The following SRI variants were observed in gnomAD, a reference collection of about 807,000 sequenced individuals.
The protein encoded by SRI is 22 kDa protein.
SRI carries 30 observed loss-of-function variants against 33.3 expected under a neutral mutation model. That is an observed-to-expected ratio of 0.90 (90% CI 0.67 to 1.22). The LOEUF (loss-of-function observed/expected upper bound fraction) is 1.22, where lower values mean the gene tolerates loss of function less well. Ranked by LOEUF, SRI falls within the 50% of genes most tolerant of loss-of-function variation. The pLI is 0.00. For synonymous variants in SRI, 75 were observed against 89.9 expected, an observed-to-expected ratio of 0.83 and a Z score of 0.94; for missense variants, 243 against 250.8, an observed-to-expected ratio of 0.97 and a Z score of 0.21.
At chr7:88,214,199 A>T (rs1421553308) in intron 3 of SRI, among the ~76,000 whole-genome samples, 1 of 152,206 alleles carries the variant, frequency 6.6e-6, no homozygotes, top group Non-Finnish European at 1.5e-5. Context: ...GACAAGAATG[A>T]TGGGGGCATT....
Position 88,217,183 on chromosome 7 carries a change from C to T in SRI, c.144G>A (p.Gln48=). 1 of 1,612,580 alleles carries T rather than the reference C, an allele frequency of 6.2e-7. No homozygotes were observed. The highest frequency in any genetic ancestry group is 8.5e-7 in the Non-Finnish European group (1 of 1,179,946). The change falls in exon 3 of 8, where the codon CAG becomes CAA. Residue 48 remains glutamine (Q), a synonymous_variant. Coordinates refer to ENST00000265729, the MANE Select transcript of SRI (RefSeq NM_003130.4). ...YFAAVAGQDG[Q]IDADELQRCL... is the part of the protein sequence containing the mutation. ...ATCTCTGCAATTCATCAGCATCTAT[C>T]TGCCCATCCTTTTGAAAAAAAATTA...
At chr7:88,213,930 T>G (rs1333998608) in intron 3 of SRI, among the ~76,000 whole-genome samples, 1 of 152,216 alleles carries the variant, frequency 6.6e-6, no homozygotes, top group East Asian at 1.9e-4. Context: ...CAACAGCCAC[T>G]GTTAAGTACT....
chr7:88,213,381 A>G (rs1851627506), intron 3 of SRI, among the ~76,000 whole-genome samples: 1 of 152,198 alleles, frequency 6.6e-6, no homozygotes, highest in Non-Finnish European at 1.5e-5. Flanking sequence ...TCAACCCCGT[A>G]CACTATCTTC....
rs1401209252 is a variant in SRI, at chr7:88,206,485, C to T, written c.590G>A (p.Ser197Asn). The T allele has an allele frequency of 3.1e-6, 5 of 1,613,908 alleles. No individual in the cohort carries two copies. The highest frequency in any genetic ancestry group is 4.2e-6 in the Non-Finnish European group (5 of 1,179,878). ...PYDDFIQCVM[S>N]V ...ATGCAGCTTCCTCTTGATTTAAACA[C>T]TCATGACACATTGAATGAACTGAAA... Residue 197 changes from serine (S) to asparagine (N), a missense_variant, in exon 8 of 8, where the codon AGT (serine) becomes AAT (asparagine). Physicochemically the swap from Ser to Asn is conservative, Grantham distance 46. Coordinates refer to ENST00000265729, the MANE Select transcript of SRI (RefSeq NM_003130.4).
upstream of SRI, among the ~76,000 whole-genome samples, chr7:88,223,814 ACT>A (rs1390529263): frequency 1.3e-5 from 2 of 152,088 alleles, no homozygotes; most frequent in South Asian, 2.1e-4. Flanking sequence ...CGGGCTTATG[ACT>A]CTGGCAGTTT....
chr7:88,215,152 T>C (rs1851676332), intron 3 of SRI, among the ~76,000 whole-genome samples: 2 of 152,176 alleles, frequency 1.3e-5, no homozygotes, highest in Admixed American at 1.3e-4. Context: ...CCATATAATA[T>C]CTGCATTACA....
upstream of SRI, among the ~76,000 whole-genome samples, chr7:88,221,986 A>G (rs1184245674): frequency 3.4e-5 from 5 of 146,842 alleles, no homozygotes; most frequent in Non-Finnish European, 7.5e-5. Flanking sequence ...ATGATTTCCA[A>G]TTTCATCCAT....
At chr7:88,219,584 G>A (rs1298034830) in intron 1 of SRI, 6 of 232,636 alleles carry the variant, frequency 2.6e-5, no homozygotes, top group Non-Finnish European at 4.9e-5. Context: ...TTTTTAAAGG[G>A]AGGAAGGTAT....
chr7:88,208,817 T>C, intron 6 of SRI: 1 of 477,520 alleles, frequency 2.1e-6, no homozygotes, highest in Non-Finnish European at 3.7e-6. Flanking sequence ...CTGGAGAAAA[T>C]ACCTTACCCA....
chr7:88,220,264 C>A (rs43100), upstream of SRI, among the ~76,000 whole-genome samples: 3 of 152,094 alleles, frequency 2.0e-5, no homozygotes, highest in Non-Finnish European at 4.4e-5. Flanking sequence ...GGTCCAGTGG[C>A]GGCCTACGAC....
chr7:88,221,183 C>G (rs1188472188), upstream of SRI, among the ~76,000 whole-genome samples: 2 of 152,170 alleles, frequency 1.3e-5, no homozygotes, highest in Non-Finnish European at 2.9e-5. Flanking sequence ...TGGTACTGTG[C>G]TTTTTCGCTG....
upstream of SRI, among the ~76,000 whole-genome samples, chr7:88,221,975 G>A (rs1318474800): frequency 6.7e-6 from 1 of 148,406 alleles, no homozygotes; most frequent in African/African-American, 2.5e-5. Flanking sequence ...TACTGAGAAT[G>A]ATGATTTCCA....
At chr7:88,213,735 G>A (rs1197184868) in intron 3 of SRI, among the ~76,000 whole-genome samples, 1 of 152,240 alleles carries the variant, frequency 6.6e-6, no homozygotes, top group African/African-American at 2.4e-5. Context: ...CACGCAGGAA[G>A]CTGTAGAGCC....
chr7:88,206,216 T>A lies in SRI; in HGVS notation c.*262A>T. ...TTTGCATACTTAAATTTACATAGAGTTTTAGCAAGAAAATAAGGCATGACT... is the reference window on the plus strand; with the variant it reads ...TTTGCATACTTAAATTTACATAGAGATTTAGCAAGAAAATAAGGCATGACT... On this transcript the variant is annotated 3_prime_UTR_variant, in exon 8 of 8. Transcript: ENST00000265729. 2 of 510,868 alleles carry A rather than the reference T, an allele frequency of 3.9e-6. No homozygotes were observed. Among genetic ancestry groups the A allele is most frequent in the South Asian group, 2.6e-5 (1 of 38,532 alleles). The allele number at this position is 510,868 out of a possible 1,614,324, so 31.6% of individuals were successfully genotyped here.
At chr7:88,207,594 C>T (rs1251092702) in intron 7 of SRI, 2 of 152,210 alleles carry the variant, frequency 1.3e-5, no homozygotes, top group African/African-American at 2.4e-5. Context: ...TTGTTATATA[C>T]ATCCAGCTAA....
chr7:88,206,902 C>G (rs1305157808), intron 7 of SRI, among the ~76,000 whole-genome samples: 1 of 152,080 alleles, frequency 6.6e-6, no homozygotes, highest in Non-Finnish European at 1.5e-5. Context: ...CAGTATTACC[C>G]CATTACTCTA....
intron 7 of SRI, chr7:88,207,872 T>C (rs1851470721): frequency 6.6e-6 from 1 of 151,986 alleles, no homozygotes; most frequent in African/African-American, 2.4e-5. Flanking sequence ...CACATGCCTA[T>C]AGTCCCTCAG....
intron 3 of SRI, among the ~76,000 whole-genome samples, chr7:88,213,190 ACT>A (rs1851622164): frequency 6.6e-6 from 1 of 151,844 alleles, no homozygotes; most frequent in Admixed American, 6.6e-5. Context: ...GGCATCCCTG[ACT>A]CTTGTTTTAC....
chr7:88,221,498 A>G (rs566590058), upstream of SRI, among the ~76,000 whole-genome samples: 2 of 152,348 alleles, frequency 1.3e-5, no homozygotes, highest in Non-Finnish European at 2.9e-5. Flanking sequence ...GAGGTAACCG[A>G]CTATAAAGAG....
Sources: allele counts gnomAD v4.1 joint callset (sites outside exome capture counted in the v4.1 genomes callset), GRCh38; gene constraint gnomAD v4.1.1; transcripts MANE v1.5; gene names NCBI Gene and HGNC (gene_info 2026-07-23, HGNC 2026-07-21).